The following LRRFIP2 variants were observed in gnomAD, a reference collection of about 807,000 sequenced individuals.
LRRFIP2 encodes the protein LRR binding FLII interacting protein 2.
LRRFIP2 carries 109 observed loss-of-function variants against 125.9 expected under a neutral mutation model. The ratio of observed to expected loss-of-function variants is 0.87; its 90% CI spans 0.74 to 1.01. LRRFIP2 has a LOEUF of 1.01. Ranked by LOEUF, LRRFIP2 falls within the 50% of genes least tolerant of loss-of-function variation. The pLI, the probability that LRRFIP2 is intolerant of heterozygous loss-of-function variation, is 0.00. For missense variants in LRRFIP2, 850 were observed against 862.3 expected (o/e 0.99, Z 0.18); for synonymous variants, 291 against 293.1 (o/e 0.99, Z 0.07).
chr3:37,104,973 T>C (rs2094245255), intron 14 of LRRFIP2, among the ~76,000 whole-genome samples: 1 of 152,102 alleles, frequency 6.6e-6, no homozygotes, highest in Non-Finnish European at 1.5e-5. Flanking sequence ...GTCTCCCAAG[T>C]AGCTGGGATT....
At chr3:37,158,043 T>C (rs2096246192) in intron 1 of LRRFIP2, among the ~76,000 whole-genome samples, 1 of 152,252 alleles carries the variant, frequency 6.6e-6, no homozygotes, top group Admixed American at 6.5e-5. Context: ...TTGGTAGTTA[T>C]GTTATTCTAT....
chr3:37,109,262 T>C (rs1160300883), intron 11 of LRRFIP2, among the ~76,000 whole-genome samples: 1 of 152,084 alleles, frequency 6.6e-6, no homozygotes, highest in Non-Finnish European at 1.5e-5. Flanking sequence ...GTGAGTGTGG[T>C]AGGACTCAAG....
In LRRFIP2 at chr3:37,121,702, A is replaced by G. The variant is rs771276518; in HGVS notation, c.229-11T>C. On this transcript the variant is annotated splice_polypyrimidine_tract_variant and intron_variant, in intron 4 of 27. Transcript: ENST00000336686. ...CCTTTCCGAATCTTCCTGGGAAAGG[A>G]GAAAGTACATGGAGAGTTAATCACT... is the stretch of plus-strand genomic sequence containing the variant. The G allele has an allele frequency of 1.9e-6, 3 of 1,613,300 alleles. No individual in the cohort carries two copies. The South Asian group carries it at 3.3e-5, about 18-fold the overall frequency.
rs550456632 is a variant in LRRFIP2, at chr3:37,075,153, T to C, written c.1279-37A>G. On this transcript the variant is annotated intron_variant, in intron 19 of 27. Coordinates refer to ENST00000336686, the MANE Select transcript of LRRFIP2 (RefSeq NM_006309.4). ...CAAATAATATCATTTACACAGGTCA[T>C]GGCACACAAGAAATTTGAACATACA... 31 of 1,448,458 alleles carry C rather than the reference T, an allele frequency of 2.1e-5. No individual in the cohort carries two copies. The East Asian group carries it at 4.3e-4, about 20-fold the overall frequency. The allele number at this position is 1,448,458 out of a possible 1,614,324, so 89.7% of individuals were successfully genotyped here.
intron 2 of LRRFIP2, among the ~76,000 whole-genome samples, chr3:37,141,382 C>A (rs766653297): frequency 2.6e-5 from 4 of 152,216 alleles, no homozygotes; most frequent in Non-Finnish European, 4.4e-5. Context: ...CATTCCCTAG[C>A]CCCTCTCCAG....
intron 6 of LRRFIP2, among the ~76,000 whole-genome samples, chr3:37,119,089 G>C (rs2094913952): frequency 6.6e-6 from 1 of 152,094 alleles, no homozygotes; most frequent in Non-Finnish European, 1.5e-5. Flanking sequence ...TTGTTTCCAG[G>C]AAAGTCTAAA....
At position 37,065,949 on chromosome 3, in the gene LRRFIP2, G is replaced by A. The variant is rs536645097; in HGVS notation, c.1567-7C>T. On this transcript the variant is annotated splice_region_variant and splice_polypyrimidine_tract_variant and intron_variant, in intron 22 of 27. Coordinates refer to ENST00000336686, the MANE Select transcript of LRRFIP2 (RefSeq NM_006309.4). Reference sequence around the variant, plus strand: ...TTATAACTAAGCCATGTTTCTGCAGGGGGGAAAAACCCACCATCACAAAAG... The same window carrying A: ...TTATAACTAAGCCATGTTTCTGCAGAGGGGAAAAACCCACCATCACAAAAG... 44 of 1,614,044 alleles carry A rather than the reference G, an allele frequency of 2.7e-5. 1 individual carries two copies. Among genetic ancestry groups the A allele is most frequent in the South Asian group, 1.9e-4 (17 of 91,070 alleles).
At chr3:37,091,221 T>G (rs1025908675) in intron 18 of LRRFIP2, among the ~76,000 whole-genome samples, 13 of 112,542 alleles carry the variant, frequency 1.2e-4, no homozygotes, top group African/African-American at 3.4e-4. Flanking sequence ...ACAAGAAAAA[T>G]AAAAAAGAAA....
chr3:37,077,132 CT>C (rs1438195290), intron 19 of LRRFIP2, among the ~76,000 whole-genome samples: 4 of 152,162 alleles, frequency 2.6e-5, no homozygotes, highest in Non-Finnish European at 5.9e-5. Flanking sequence ...ACAAAGGAGA[CT>C]ACAGCAGTAT....
chr3:37,169,499 TA>T (rs34714177), intron 1 of LRRFIP2, among the ~76,000 whole-genome samples: 1 of 152,128 alleles, frequency 6.6e-6, no homozygotes. Context: ...ACTCACTTTT[TA>T]AAAAAAGCAA....
intron 18 of LRRFIP2, among the ~76,000 whole-genome samples, chr3:37,085,645 G>C (rs575280870): frequency 2.7e-5 from 4 of 149,756 alleles, no homozygotes; most frequent in African/African-American, 7.4e-5. Flanking sequence ...GCAATGGCGC[G>C]ATCTTGGCTC....
intron 10 of LRRFIP2, 30 bp downstream of exon 10, chr3:37,109,623 A>G: frequency 6.2e-7 from 1 of 1,614,068 alleles, no homozygotes; most frequent in Non-Finnish European, 8.5e-7. Context: ...GGTAGCTCTA[A>G]AGGCAGAACA....
intron 17 of LRRFIP2, chr3:37,093,005 AT>A (rs1039871048): frequency 6.6e-6 from 1 of 152,172 alleles, no homozygotes; most frequent in Non-Finnish European, 1.5e-5. Context: ...TGCCCAGCTA[AT>A]TTTTTGTATT....
At position 37,078,505 on chromosome 3, in the gene LRRFIP2, GAAAC is replaced by G. The variant is rs973875180; in HGVS notation, c.1279-3393_1279-3390del. Among the ~76,000 whole-genome samples the G allele has an allele frequency of 5.3e-5, 8 of 152,024 alleles. No homozygotes were observed. The South Asian group carries it at 6.2e-4, about 12-fold the overall frequency. Reference sequence around the variant, plus strand: ...GAGAACTAGGAATTGTAGTGTAGGGGAAACAAACAAAGATACAGATGTAAGACAG... The same window carrying G: ...GAGAACTAGGAATTGTAGTGTAGGGGAAACAAAGATACAGATGTAAGACAG... On this transcript the variant is annotated intron_variant, in intron 19 of 27. Transcript: ENST00000336686.
At chr3:37,066,062 G>T (rs546275392) in intron 22 of LRRFIP2, 120 bp from the exon 23 acceptor site, 31 of 1,387,614 alleles carry the variant, frequency 2.2e-5, no homozygotes, top group Non-Finnish European at 2.7e-5. Context: ...TCAGTTACAT[G>T]AAATATAGCT....
chr3:37,130,624 T>G (rs749025982), intron 2 of LRRFIP2, among the ~76,000 whole-genome samples: 8 of 152,230 alleles, frequency 5.3e-5, no homozygotes, highest in Non-Finnish European at 1.2e-4. Flanking sequence ...TGTACGCCAT[T>G]CTGAGTAGTA....
intron 1 of LRRFIP2, among the ~76,000 whole-genome samples, chr3:37,152,871 A>G (rs1236783223): frequency 6.6e-6 from 1 of 152,202 alleles, no homozygotes; most frequent in Admixed American, 6.5e-5. Flanking sequence ...GTATCATCCA[A>G]TATTTGTCCA....
chr3:37,109,822 C>G, intron 9 of LRRFIP2, 119 bp from the exon 10 acceptor site: 1 of 798,634 alleles, frequency 1.3e-6, no homozygotes, highest in Non-Finnish European at 2.0e-6. Flanking sequence ...ATTAGCAATT[C>G]CTGAGTGCTT....
At chr3:37,112,847 A>G (rs1010207544) in intron 8 of LRRFIP2, 68 bp downstream of exon 8, 4 of 830,340 alleles carry the variant, frequency 4.8e-6, no homozygotes, top group African/African-American at 3.4e-5. Context: ...AGCACACCAA[A>G]GCAATCATAA....
Sources: gnomAD v4.1 joint callset for allele counts (sites outside exome capture counted in the v4.1 genomes callset) on GRCh38, gnomAD v4.1.1 for gene constraint, MANE v1.5 for transcripts, NCBI Gene and HGNC (gene_info 2026-07-23, HGNC 2026-07-21) for gene names.